HS6ST3: variants seen among roughly 807,000 people sequenced by gnomAD.
The protein encoded by HS6ST3 is heparan sulfate 6-O-sulfotransferase 3, also known as heparan-sulfate 6-O-sulfotransferase 3.
In HS6ST3, 12 loss-of-function variants were observed where a neutral mutation model predicts 36.7. The ratio of observed to expected loss-of-function variants is 0.33; its 90% CI spans 0.21 to 0.53. HS6ST3 has a LOEUF of 0.53. Ranked by LOEUF, HS6ST3 falls within the 20% of genes least tolerant of loss-of-function variation. The probability of loss-of-function intolerance (pLI) is 0.95; values close to 1 mark genes in which losing one functional copy is unlikely to be tolerated. For synonymous variants in HS6ST3, 240 were observed against 257.5 expected, an observed-to-expected ratio of 0.93 and a Z score of 0.65; for missense variants, 584 against 640.9, an observed-to-expected ratio of 0.91 and a Z score of 0.96.
intron 1 of HS6ST3, among the ~76,000 whole-genome samples, chr13:96,279,508 A>G (rs2054764610): frequency 6.6e-6 from 1 of 152,164 alleles, no homozygotes; most frequent in Non-Finnish European, 1.5e-5. Context: ...ACTCAACAGG[A>G]ACATCTAATC....
In HS6ST3 at chr13:96,499,696, G is replaced by A. The variant is rs116513222; in HGVS notation, c.708-332794G>A. Among the ~76,000 whole-genome samples the A allele has an allele frequency of 2.7e-3, 408 of 152,226 alleles. 1 individual carries two copies. The highest frequency in any genetic ancestry group is 9.3e-3 in the African/African-American group (386 of 41,552). On this transcript the variant is annotated intron_variant, in intron 1 of 1. Coordinates refer to ENST00000376705, the MANE Select transcript of HS6ST3 (RefSeq NM_153456.4). ...GCATGAACAGCCTGGATAAGACCCT[G>A]TGGCATGAGCGTGTGTGACCTGTGC...
chr13:96,117,960 C>T (rs1338489855), intron 1 of HS6ST3, among the ~76,000 whole-genome samples: 1 of 151,856 alleles, frequency 6.6e-6, no homozygotes, highest in African/African-American at 2.4e-5. Context: ...GCCTCCTCCT[C>T]CTGGGTTCAA....
intron 1 of HS6ST3, among the ~76,000 whole-genome samples, chr13:96,766,793 A>G (rs1044438504): frequency 6.6e-6 from 1 of 152,200 alleles, no homozygotes; most frequent in Non-Finnish European, 1.5e-5. Context: ...TTGCCCTTCA[A>G]CAAGATTATT....
intron 1 of HS6ST3, among the ~76,000 whole-genome samples, chr13:96,573,109 A>T (rs757738756): frequency 2.0e-5 from 3 of 152,136 alleles, no homozygotes; most frequent in Non-Finnish European, 4.4e-5. Flanking sequence ...TAACGACTAG[A>T]TGTGTAACAT....
intron 1 of HS6ST3, among the ~76,000 whole-genome samples, chr13:96,720,802 T>C (rs2138468522): frequency 6.6e-6 from 1 of 152,316 alleles, no homozygotes; most frequent in South Asian, 2.1e-4. Context: ...ATGACATAGA[T>C]ATGTTTTGCA....
intron 1 of HS6ST3, among the ~76,000 whole-genome samples, chr13:96,280,144 A>C (rs2054768501): frequency 6.6e-6 from 1 of 152,232 alleles, no homozygotes; most frequent in South Asian, 2.1e-4. Context: ...GTACAGTATT[A>C]GCTCCTGGAT....
At chr13:96,739,307 C>T (rs562357046) in intron 1 of HS6ST3, among the ~76,000 whole-genome samples, 28 of 150,808 alleles carry the variant, frequency 1.9e-4, no homozygotes, top group Non-Finnish European at 3.5e-4. Flanking sequence ...TCCAATTTCA[C>T]AGCCTCAAAT....
At chr13:96,158,383 A>G (rs1392540112) in intron 1 of HS6ST3, among the ~76,000 whole-genome samples, 1 of 151,922 alleles carries the variant, frequency 6.6e-6, no homozygotes, top group South Asian at 2.1e-4. Context: ...AGTAGAGGGA[A>G]CCCCAAGAAA....
At chr13:96,160,833 G>A (rs1398696456) in intron 1 of HS6ST3, among the ~76,000 whole-genome samples, 1 of 152,196 alleles carries the variant, frequency 6.6e-6, no homozygotes, top group East Asian at 1.9e-4. Flanking sequence ...AGTGAAAGAC[G>A]CTTGCAGGCA....
At chr13:96,783,844 G>C (rs573709086) in intron 1 of HS6ST3, among the ~76,000 whole-genome samples, 1 of 152,206 alleles carries the variant, frequency 6.6e-6, no homozygotes, top group East Asian at 1.9e-4. Flanking sequence ...AGTTTGAAAA[G>C]AGAGTGCCTT....
At chr13:96,260,282 C>T (rs2054658265) in intron 1 of HS6ST3, among the ~76,000 whole-genome samples, 1 of 148,908 alleles carries the variant, frequency 6.7e-6, no homozygotes, top group African/African-American at 2.5e-5. Flanking sequence ...TTCTTTCCTC[C>T]CTCCCTCCCT....
chr13:96,681,326 T>G (rs1402584811), intron 1 of HS6ST3, among the ~76,000 whole-genome samples: 3 of 152,190 alleles, frequency 2.0e-5, no homozygotes, highest in Non-Finnish European at 4.4e-5. Context: ...TTCCAACCTC[T>G]ACATTCAAAT....
chr13:96,837,237 T>C lies in HS6ST3; in HGVS notation c.*4039T>C, dbSNP rs1322991512. 2 of 152,238 alleles carry C rather than the reference T, an allele frequency of 1.3e-5. No homozygotes were observed. Among genetic ancestry groups the C allele is most frequent in the Non-Finnish European group, 2.9e-5 (2 of 68,046 alleles). 9.4% of individuals were successfully genotyped at this position (152,238 alleles called of 1,614,324 possible). On this transcript the variant is annotated 3_prime_UTR_variant, in exon 2 of 2. Transcript: ENST00000376705. ...GTGCTTTTTAATGTCACTTACTTCA[T>C]CATATGTTTTGCGAAAGATAAGACT... is the stretch of plus-strand genomic sequence containing the variant.
intron 1 of HS6ST3, among the ~76,000 whole-genome samples, chr13:96,141,705 T>G (rs2054032682): frequency 6.6e-6 from 1 of 152,090 alleles, no homozygotes; most frequent in Non-Finnish European, 1.5e-5. Context: ...CACTGAAGGT[T>G]CCAAAGTGAT....
chr13:96,370,299 A>C (rs1300604139), intron 1 of HS6ST3, among the ~76,000 whole-genome samples: 1 of 152,178 alleles, frequency 6.6e-6, no homozygotes, highest in East Asian at 1.9e-4. Context: ...CAGTGTTTCA[A>C]AACTGTTTAT....
At chr13:96,470,374 C>G (rs73556362) in intron 1 of HS6ST3, among the ~76,000 whole-genome samples, 2,200 of 152,216 alleles carry the variant, frequency 0.014, 67 homozygotes, top group African/African-American at 0.05. Flanking sequence ...ATAGGAAGAA[C>G]AGTTTAGTTT....
rs568050000 is a variant in HS6ST3, at chr13:96,527,388, C to T, written c.708-305102C>T. 2.6e-5 allele frequency among the ~76,000 whole-genome samples: 4 copies of T among 152,180 alleles called. No individual in the cohort carries two copies. The South Asian group carries it at 8.3e-4, about 32-fold the overall frequency. On this transcript the variant is annotated intron_variant, in intron 1 of 1. Coordinates refer to ENST00000376705, the MANE Select transcript of HS6ST3 (RefSeq NM_153456.4). The stretch of plus-strand genomic sequence containing the variant: ...TCGGATAATAAGTATTTATTGAGTA[C>T]CATGTTAGAACTGTGGTGGCAAATA...
At chr13:96,565,943 C>T (rs941195420) in intron 1 of HS6ST3, among the ~76,000 whole-genome samples, 31 of 152,078 alleles carry the variant, frequency 2.0e-4, no homozygotes, top group Non-Finnish European at 2.4e-4. Flanking sequence ...GAAACAGAGA[C>T]ATAATCAGGA....
At chr13:96,688,772 G>T (rs1258356054) in intron 1 of HS6ST3, among the ~76,000 whole-genome samples, 1 of 152,012 alleles carries the variant, frequency 6.6e-6, no homozygotes, top group African/African-American at 2.4e-5. Context: ...GACCCCACTT[G>T]ATATCCCTGG....
Sources: allele counts gnomAD v4.1 joint callset (sites outside exome capture counted in the v4.1 genomes callset), GRCh38; gene constraint gnomAD v4.1.1; transcripts MANE v1.5; gene names NCBI Gene and HGNC (gene_info 2026-07-23, HGNC 2026-07-21).